Variants in DHX29 observed in about 807,000 individuals in gnomAD.
DHX29 encodes ATP-dependent RNA helicase DHX29.
In DHX29, 79 loss-of-function variants were observed where a neutral mutation model predicts 167.9. The observed-to-expected ratio is 0.47, with a 90% CI of 0.39 to 0.57. The LOEUF is 0.57. Among genes scored for constraint, DHX29 ranks in the 20% least tolerant of loss-of-function variants. DHX29 has a pLI of 0.00. For synonymous variants in DHX29, 530 were observed against 546.0 expected, an observed-to-expected ratio of 0.97 and a Z score of 0.41; for missense variants, 1,347 against 1,593.4, an observed-to-expected ratio of 0.85 and a Z score of 2.63.
rs772815572 is a variant in DHX29 at position 55,289,433 on chromosome 5, CAAGAA to C, written c.908-10_908-6del. The C allele has an allele frequency of 2.6e-6, 4 of 1,517,620 alleles. No homozygotes were observed. The East Asian group carries it at 1.0e-4, about 38-fold the overall frequency. The allele number at this position is 1,517,620 out of a possible 1,614,324, so 94.0% of individuals were successfully genotyped here. ...GGTCTTCTAAAGTTTCCATTTCTAC[CAAGAA>C]AAAAATATAATGTTTAGTTTCATGG... On this transcript the variant is annotated splice_region_variant and splice_polypyrimidine_tract_variant and intron_variant, in intron 7 of 26. Transcript: ENST00000251636.
chr5:55,261,632 T>C (rs1746321662), intron 24 of DHX29, 133 bp from the exon 25 acceptor site: 1 of 653,234 alleles, frequency 1.5e-6, no homozygotes, highest in Non-Finnish European at 2.7e-6. Context: ...TAAAGCTACA[T>C]TTTCATTTTC....
In DHX29 at chr5:55,269,573, A is replaced by G; in HGVS notation, c.3134T>C (p.Val1045Ala). ...SKALDPPQLQ[V>A]ISNAMNLLRK... ...GAGCAAATTCATTGCATTGCTGATC[A>G]CTTGGAGCTGAGGAGGATCTAAGGC... The change falls in exon 21 of 27, where the codon GTG becomes GCG. Residue 1045 changes from valine to alanine, a missense_variant. By Grantham distance (64) the Val-to-Ala change is moderately conservative. Coordinates refer to ENST00000251636, the MANE Select transcript of DHX29 (RefSeq NM_019030.4). The G allele has an allele frequency of 6.2e-7, 1 of 1,614,170 alleles. No homozygotes were observed. Among genetic ancestry groups the G allele is most frequent in the Non-Finnish European group, 8.5e-7 (1 of 1,180,034 alleles).
intron 23 of DHX29, among the ~76,000 whole-genome samples, chr5:55,264,651 C>A (rs528039929): frequency 6.6e-6 from 1 of 152,126 alleles, no homozygotes; most frequent in Non-Finnish European, 1.5e-5. Context: ...AAAGAGGGGA[C>A]AATTTGAGTA....
chr5:55,276,312 ACTT>A lies in DHX29; in HGVS notation c.2378_2380del (p.Glu793del), dbSNP rs761435508. 1.1e-5 allele frequency: 17 copies of A among 1,602,382 alleles called. No individual in the cohort carries two copies. The highest frequency in any genetic ancestry group is 1.7e-4 in the Middle Eastern group (1 of 5,990). On this transcript the variant is annotated inframe_deletion, in exon 14 of 27. Coordinates refer to ENST00000251636, the MANE Select transcript of DHX29 (RefSeq NM_019030.4). ...TGCTTTGCTTGTAACATTAATGGTT[ACTT>A]CTTCTTCCTCTTCCAGAAATTTCTG...
At chr5:55,307,268 C>G in intron 1 of DHX29, 119 bp downstream of exon 1, 1 of 855,708 alleles carries the variant, frequency 1.2e-6, no homozygotes. Context: ...GGTAGCAGCT[C>G]GAGTGTTGGG....
rs1746366012 is a variant in DHX29 at position 55,262,683 on chromosome 5, ATGGGTGTACT to A, written c.3765_3774del (p.Gln1255HisfsTer4). The stretch of plus-strand genomic sequence containing the variant: ...GTTTGCAAATCTCGATTTACTGAGG[ATGGGTGTACT>A]TGTGCTTTGCCTTGGGCCGTCTCCA... On this transcript the variant is annotated frameshift_variant, in exon 24 of 27. Coordinates refer to ENST00000251636, the MANE Select transcript of DHX29 (RefSeq NM_019030.4). LOFTEE classifies it high-confidence loss of function. 3 of 1,614,056 alleles carry A rather than the reference ATGGGTGTACT, an allele frequency of 1.9e-6. No homozygotes were observed. Among genetic ancestry groups the A allele is most frequent in the Non-Finnish European group, 2.5e-6 (3 of 1,179,962 alleles).
chr5:55,256,426 A>C lies in DHX29; in HGVS notation c.*62T>G. 1 of 1,440,728 alleles carries C rather than the reference A, an allele frequency of 6.9e-7. No individual in the cohort carries two copies. The highest frequency in any genetic ancestry group is 9.4e-7 in the Non-Finnish European group (1 of 1,061,010). 89.2% of individuals were successfully genotyped at this position (1,440,728 alleles called of 1,614,324 possible). On this transcript the variant is annotated 3_prime_UTR_variant, in exon 27 of 27. Coordinates refer to ENST00000251636, the MANE Select transcript of DHX29 (RefSeq NM_019030.4). ...ATACTTAATGTGATGACCCATTTTC[A>C]GATAATTTCATGACTGTATCTTCAT...
At chr5:55,302,002 G>A (rs1385751796) in intron 1 of DHX29, among the ~76,000 whole-genome samples, 6 of 152,128 alleles carry the variant, frequency 3.9e-5, no homozygotes, top group Non-Finnish European at 8.8e-5. Context: ...AGAAACATTT[G>A]TGGTTCTCTG....
chr5:55,279,071 G>A (rs540882570), intron 12 of DHX29, among the ~76,000 whole-genome samples: 5 of 152,288 alleles, frequency 3.3e-5, no homozygotes, highest in African/African-American at 1.2e-4. Flanking sequence ...GTGGAGGAGA[G>A]CAAAATAAAG....
At chr5:55,273,203 TAAC>T in intron 17 of DHX29, 87 bp downstream of exon 17, 1 of 1,363,674 alleles carries the variant, frequency 7.3e-7, no homozygotes, top group South Asian at 2.0e-5. Context: ...CACTTAATGT[TAAC>T]AACTGTCTTT....
At position 55,274,944 on chromosome 5, in the gene DHX29, G is replaced by A. The variant is rs778194125; in HGVS notation, c.2494C>T (p.Arg832Cys). ...LNPFYQKYSS[R>C]TQHAILYMNP... Reference sequence around the variant, plus strand: ...ATGTATAGAATAGCATGCTGAGTGCGGCTGCTGTACTTTTGGTAAAATGGA... The same window carrying A: ...ATGTATAGAATAGCATGCTGAGTGCAGCTGCTGTACTTTTGGTAAAATGGA... Residue 832 changes from arginine (R) to cysteine (C), a missense_variant, in exon 15 of 27, where the codon CGC becomes TGC. Coordinates refer to ENST00000251636, the MANE Select transcript of DHX29 (RefSeq NM_019030.4). 2.6e-5 allele frequency: 42 copies of A among 1,613,702 alleles called. No individual in the cohort carries two copies. Among genetic ancestry groups the A allele is most frequent in the African/African-American group, 1.2e-4 (9 of 74,888 alleles).
In DHX29 at chr5:55,307,613, C is replaced by G. The variant is rs764851774; in HGVS notation, c.-40G>C. 1.0e-4 allele frequency: 163 copies of G among 1,608,504 alleles called. No homozygotes were observed. The highest frequency in any genetic ancestry group is 1.4e-4 in the Non-Finnish European group (160 of 1,178,960). On this transcript the variant is annotated 5_prime_UTR_variant, in exon 1 of 27. Transcript: ENST00000251636. ...AGAAGATCCTTCGCGGCCCAGGCCC[C>G]GACGGTACCACTGCACAGCCGAGAG...
intron 10 of DHX29, 106 bp downstream of exon 10, chr5:55,285,187 T>A: frequency 6.8e-7 from 1 of 1,479,904 alleles, no homozygotes; most frequent in Non-Finnish European, 9.1e-7. Context: ...AAATTAGGAA[T>A]AATGAGAAAG....
chr5:55,301,322 A>T (rs1386532603), intron 1 of DHX29, among the ~76,000 whole-genome samples: 3 of 152,140 alleles, frequency 2.0e-5, no homozygotes, highest in Non-Finnish European at 4.4e-5. Flanking sequence ...AACATCTCAG[A>T]ATTATTATGA....
intron 1 of DHX29, among the ~76,000 whole-genome samples, chr5:55,300,414 C>T (rs1748540040): frequency 6.6e-6 from 1 of 152,170 alleles, no homozygotes; most frequent in Non-Finnish European, 1.5e-5. Flanking sequence ...TGGCTCATGC[C>T]TGTAATCCCA....
chr5:55,267,796 C>T lies in DHX29; in HGVS notation c.3321G>A (p.Glu1107=). Residue 1107 remains glutamate, a synonymous_variant, in exon 22 of 27, where the codon GAG becomes GAA. Transcript: ENST00000251636. ...CAATTGGTGTGGTAAAAGGAGACTT[C>T]TCTGTCATAACTGCAGCTAGTGTTG... ...PVATLAAVMT[E]KSPFTTPIGR... The T allele has an allele frequency of 6.2e-7, 1 of 1,601,928 alleles. No homozygotes were observed. The highest frequency in any genetic ancestry group is 8.5e-7 in the Non-Finnish European group (1 of 1,173,488).
In DHX29 at chr5:55,277,148, G is replaced by C; in HGVS notation, c.2244C>G (p.His748Gln). Residue 748 changes from histidine to glutamine, a missense_variant, in exon 13 of 27, where the codon CAC becomes CAG. Physicochemically the swap from His to Gln is conservative, Grantham distance 24. This residue lies in a region of DHX29 where 882 missense variants were observed against 1,082.4 expected (regional missense o/e 0.81). Transcript: ENST00000251636. ...TTCCTGAAATTCTGAGAATGGGGCA[G>C]TGTGTGAAATATGTAGAAAATTTTT... is the stretch of plus-strand genomic sequence containing the variant. ...DSEKFSTYFT[H>Q]CPILRISGRS... 1 of 1,612,858 alleles carries C rather than the reference G, an allele frequency of 6.2e-7. No individual in the cohort carries two copies. Among genetic ancestry groups the C allele is most frequent in the South Asian group, 1.1e-5 (1 of 90,856 alleles).
chr5:55,294,201 T>C, intron 5 of DHX29, 56 bp from the exon 6 acceptor site: 1 of 1,491,268 alleles, frequency 6.7e-7, no homozygotes, highest in Non-Finnish European at 9.0e-7. Flanking sequence ...GTGTCAAAAC[T>C]ATCTTGTCAC....
In DHX29 at chr5:55,263,048, T is replaced by C. The variant is rs1375094899; in HGVS notation, c.3526-116A>G. 1.3e-5 allele frequency: 10 copies of C among 795,750 alleles called. No homozygotes were observed. The South Asian group carries it at 1.5e-4, about 12-fold the overall frequency. The allele number at this position is 795,750 out of a possible 1,614,324, so 49.3% of individuals were successfully genotyped here. On this transcript the variant is annotated intron_variant, in intron 23 of 26. Transcript: ENST00000251636. ...AAATTGACAGGATGCTAATGATTAT[T>C]TGGCTAACGATAGCCCAAATTACCT...
Sources: allele counts gnomAD v4.1 joint callset (sites outside exome capture counted in the v4.1 genomes callset), GRCh38; gene constraint gnomAD v4.1.1; regional missense constraint gnomAD v4.1.1; transcripts MANE v1.5; gene names NCBI Gene and HGNC (gene_info 2026-07-23, HGNC 2026-07-21).